VPS13B: variants seen among roughly 807,000 people sequenced by gnomAD.
VPS13B encodes intermembrane lipid transfer protein VPS13B.
VPS13B carries 285 observed loss-of-function variants against 426.4 expected under a neutral mutation model. That is an observed-to-expected ratio of 0.67 (90% CI 0.61 to 0.74). VPS13B has a LOEUF of 0.74. VPS13B is among the 30% of genes least tolerant of loss of function. VPS13B has a pLI of 0.00. For missense variants in VPS13B, 4,537 were observed against 4,782.6 expected, an observed-to-expected ratio of 0.95 and a Z score of 1.51; for synonymous variants, 1,676 against 1,676.4, an observed-to-expected ratio of 1.00 and a Z score of 0.01.
chr8:99,110,132 CTTCTT>C (rs1847285225), intron 5 of VPS13B, among the ~76,000 whole-genome samples: 1 of 151,982 alleles, frequency 6.6e-6, no homozygotes. Context: ...TTAGACACAT[CTTCTT>C]TAATTTCTAC....
At chr8:99,292,147 T>C (rs964576082) in intron 19 of VPS13B, among the ~76,000 whole-genome samples, 1 of 152,108 alleles carries the variant, frequency 6.6e-6, no homozygotes, top group African/African-American at 2.4e-5. Flanking sequence ...TTTTTAGCCT[T>C]AGAATAACAA....
At chr8:99,826,491 A>C (rs955034260) in intron 51 of VPS13B, among the ~76,000 whole-genome samples, 1 of 152,092 alleles carries the variant, frequency 6.6e-6, no homozygotes, top group Non-Finnish European at 1.5e-5. Context: ...GGGTTTTCTA[A>C]ATATATAATC....
intron 58 of VPS13B, among the ~76,000 whole-genome samples, chr8:99,863,774 T>G (rs1460024886): frequency 6.6e-6 from 1 of 152,234 alleles, no homozygotes; most frequent in Non-Finnish European, 1.5e-5. Context: ...CTTATCCATG[T>G]GAGGGAATTC....
At position 99,679,988 on chromosome 8, in the gene VPS13B, A is replaced by T. The variant is rs137855918; in HGVS notation, c.6046+18497A>T. Among the ~76,000 whole-genome samples, 6 of 152,310 alleles carry T rather than the reference A, an allele frequency of 3.9e-5. No homozygotes were observed. In the East Asian group the frequency reaches 9.6e-4, roughly 24 times the overall value. On this transcript the variant is annotated intron_variant, in intron 35 of 61. Coordinates refer to ENST00000357162, the MANE Select transcript of VPS13B (RefSeq NM_152564.5). ...TGTTTTGCATTTACTAAGATGGTGA[A>T]TAAAAACATCATTTCTGTGTCTGTA...
chr8:99,221,341 C>T (rs896251990), intron 17 of VPS13B, among the ~76,000 whole-genome samples: 6 of 151,814 alleles, frequency 4.0e-5, no homozygotes, highest in Non-Finnish European at 8.8e-5. Context: ...ATTTCTAGTT[C>T]TAGATCCCTG....
At chr8:99,617,599 CT>C (rs1828152149) in intron 33 of VPS13B, among the ~76,000 whole-genome samples, 1 of 152,148 alleles carries the variant, frequency 6.6e-6, no homozygotes, top group Non-Finnish European at 1.5e-5. Flanking sequence ...ATTGCTGAGA[CT>C]ACAGGCGTGA....
intron 39 of VPS13B, among the ~76,000 whole-genome samples, chr8:99,749,566 A>G (rs1484675682): frequency 6.6e-6 from 1 of 152,100 alleles, no homozygotes; most frequent in Non-Finnish European, 1.5e-5. Context: ...GGTAAATGAC[A>G]GGATTTCATT....
intron 19 of VPS13B, among the ~76,000 whole-genome samples, chr8:99,361,842 T>G (rs1014079670): frequency 6.6e-6 from 1 of 152,214 alleles, no homozygotes; most frequent in Non-Finnish European, 1.5e-5. Flanking sequence ...GGAGTAGCTA[T>G]TACTTTTTAA....
chr8:99,349,491 T>C (rs1009871890), intron 19 of VPS13B, among the ~76,000 whole-genome samples: 35 of 152,252 alleles, frequency 2.3e-4, no homozygotes, highest in Middle Eastern at 6.8e-3. Context: ...TTTAGCACAG[T>C]ATGTATTTTA....
Position 99,824,220 on chromosome 8 carries a change from C to T in VPS13B, c.9330+242C>T, listed in dbSNP as rs929510922. Among the ~76,000 whole-genome samples, 4 of 152,306 alleles carry T rather than the reference C, an allele frequency of 2.6e-5. No homozygotes were observed. The East Asian group carries it at 5.8e-4, about 22-fold the overall frequency. On this transcript the variant is annotated intron_variant, in intron 51 of 61. Coordinates refer to ENST00000357162, the MANE Select transcript of VPS13B (RefSeq NM_152564.5). ...CACTGCTGGATTAGTCCTGCCTGTG[C>T]CCCATCTGCTCAGAGGCTCCAGCCT...
chr8:99,057,350 A>AT (rs1191722440), intron 3 of VPS13B, among the ~76,000 whole-genome samples: 2 of 152,006 alleles, frequency 1.3e-5, no homozygotes, highest in Non-Finnish European at 1.5e-5. Flanking sequence ...CTTTTCATTT[A>AT]TTTTTTGATT....
At chr8:99,058,433 A>G (rs1191667038) in intron 3 of VPS13B, among the ~76,000 whole-genome samples, 1 of 151,688 alleles carries the variant, frequency 6.6e-6, no homozygotes, top group East Asian at 1.9e-4. Flanking sequence ...GTCATAAAAT[A>G]TATAAACATA....
rs561710365 is a variant in VPS13B at position 99,074,326 on chromosome 8, T to C, written c.292-21986T>C. Among the ~76,000 whole-genome samples, 3 of 152,252 alleles carry C rather than the reference T, an allele frequency of 2.0e-5. 1 individual carries two copies. The East Asian group carries it at 5.8e-4, about 29-fold the overall frequency. ...CAATTAGATGATCATATGGTTTTTG[T>C]CTTGATTCTGTTAATGTGTTGTATC... is the stretch of plus-strand genomic sequence containing the variant. On this transcript the variant is annotated intron_variant, in intron 3 of 61. Transcript: ENST00000357162.
intron 29 of VPS13B, among the ~76,000 whole-genome samples, chr8:99,518,545 T>C (rs184872497): frequency 4.6e-5 from 7 of 152,282 alleles, no homozygotes; most frequent in Admixed American, 2.6e-4. Context: ...AGTTCATCTC[T>C]TTTTTTCTCC....
chr8:99,687,580 C>T (rs1831470304), intron 35 of VPS13B, among the ~76,000 whole-genome samples: 1 of 151,998 alleles, frequency 6.6e-6, no homozygotes, highest in East Asian at 1.9e-4. Flanking sequence ...CAGCTGAGCT[C>T]TGCCTGGTAT....
intron 24 of VPS13B, among the ~76,000 whole-genome samples, chr8:99,478,691 C>T (rs778385617): frequency 2.6e-5 from 4 of 151,570 alleles, no homozygotes; most frequent in East Asian, 1.9e-4. Flanking sequence ...TCAGGTGATC[C>T]GCCTGCCTTG....
chr8:99,164,916 T>C (rs909153000), intron 15 of VPS13B, among the ~76,000 whole-genome samples: 1 of 152,216 alleles, frequency 6.6e-6, no homozygotes, highest in African/African-American at 2.4e-5. Context: ...CAGCTGCTTA[T>C]GCTGCTGTTC....
At chr8:99,248,832 C>T (rs1488253303) in intron 17 of VPS13B, among the ~76,000 whole-genome samples, 1 of 152,126 alleles carries the variant, frequency 6.6e-6, no homozygotes, top group Non-Finnish European at 1.5e-5. Flanking sequence ...CCCTCAGTCC[C>T]TCCATGTCTC....
At chr8:99,167,264 A>G (rs191648775) in intron 15 of VPS13B, among the ~76,000 whole-genome samples, 159 of 152,150 alleles carry the variant, frequency 1.0e-3, no homozygotes, top group African/African-American at 3.7e-3. Context: ...CCTAGTTATT[A>G]TTATTCTTTC....
Sources: gnomAD v4.1 joint callset for allele counts (sites outside exome capture counted in the v4.1 genomes callset) on GRCh38, gnomAD v4.1.1 for gene constraint, MANE v1.5 for transcripts, NCBI Gene and HGNC (gene_info 2026-07-23, HGNC 2026-07-21) for gene names.